The following DCLK1 variants were observed in gnomAD, a reference collection of about 807,000 sequenced individuals.
The protein encoded by DCLK1 is doublecortin like kinase 1.
In DCLK1, 16 loss-of-function variants were observed where a neutral mutation model predicts 86.2. The ratio of observed to expected loss-of-function variants is 0.19; its 90% CI spans 0.13 to 0.28. DCLK1 has a LOEUF of 0.28. Among genes scored for constraint, DCLK1 ranks in the 10% least tolerant of loss-of-function variants. The pLI is 1.00. For missense variants in DCLK1, 590 were observed against 940.2 expected (o/e 0.63, Z 4.87); for synonymous variants, 369 against 370.5 (o/e 1.00, Z 0.05).
intron 3 of DCLK1, among the ~76,000 whole-genome samples, chr13:36,083,722 A>T (rs548406111): frequency 6.6e-6 from 1 of 152,324 alleles, no homozygotes; most frequent in African/African-American, 2.4e-5. Context: ...AAAAATTTCA[A>T]CAAATATTTA....
intron 3 of DCLK1, among the ~76,000 whole-genome samples, chr13:35,952,167 T>A (rs1877728344): frequency 6.6e-6 from 1 of 152,178 alleles, no homozygotes; most frequent in Admixed American, 6.5e-5. Context: ...ATAAATCGAG[T>A]GCATACGTAA....
intron 3 of DCLK1, among the ~76,000 whole-genome samples, chr13:36,099,347 G>A (rs963480963): frequency 2.0e-5 from 3 of 152,200 alleles, no homozygotes; most frequent in Non-Finnish European, 2.9e-5. Context: ...TTTAAAGTAC[G>A]AAGGCAATGT....
At chr13:36,052,398 A>G (rs555699466) in intron 3 of DCLK1, among the ~76,000 whole-genome samples, 2 of 152,284 alleles carry the variant, frequency 1.3e-5, no homozygotes, top group South Asian at 4.1e-4. Flanking sequence ...CATGTGAGAA[A>G]GAAAGGCAAT....
chr13:36,123,181 T>C (rs558603610), intron 2 of DCLK1, among the ~76,000 whole-genome samples: 11 of 152,332 alleles, frequency 7.2e-5, no homozygotes, highest in Admixed American at 1.3e-4. Flanking sequence ...AAAATTAGTA[T>C]GTAAAGTCAG....
intron 3 of DCLK1, among the ~76,000 whole-genome samples, chr13:36,051,964 T>A (rs527920431): frequency 6.6e-6 from 1 of 152,284 alleles, no homozygotes; most frequent in South Asian, 2.1e-4. Context: ...AGATCTTTAA[T>A]GAAAGTTAAA....
chr13:36,026,558 A>G (rs1355073396), intron 3 of DCLK1, among the ~76,000 whole-genome samples: 1 of 152,232 alleles, frequency 6.6e-6, no homozygotes, highest in Admixed American at 6.5e-5. Flanking sequence ...TACCACTTAA[A>G]TGATTATTTG....
At chr13:36,077,280 T>C (rs533869177) in intron 3 of DCLK1, among the ~76,000 whole-genome samples, 35 of 152,322 alleles carry the variant, frequency 2.3e-4, no homozygotes, top group Admixed American at 7.2e-4. Flanking sequence ...TTTGCAAACA[T>C]AATTATTTTC....
At chr13:35,819,246 T>C (rs2153104423) in intron 11 of DCLK1, among the ~76,000 whole-genome samples, 1 of 152,258 alleles carries the variant, frequency 6.6e-6, no homozygotes, top group Admixed American at 6.5e-5. Flanking sequence ...CAATGCCCAG[T>C]TTTCACCTAA....
At chr13:35,958,099 C>T (rs1020997356) in intron 3 of DCLK1, among the ~76,000 whole-genome samples, 18 of 143,736 alleles carry the variant, frequency 1.3e-4, no homozygotes, top group Non-Finnish European at 2.1e-4. Flanking sequence ...ATCACCACCG[C>T]TATAACCACC....
chr13:36,046,629 A>G (rs1882924361), intron 3 of DCLK1, among the ~76,000 whole-genome samples: 1 of 152,208 alleles, frequency 6.6e-6, no homozygotes, highest in South Asian at 2.1e-4. Flanking sequence ...TCACAGATAA[A>G]TCCAAGACTC....
At chr13:36,066,711 G>A (rs1212834787) in intron 3 of DCLK1, among the ~76,000 whole-genome samples, 1 of 151,316 alleles carries the variant, frequency 6.6e-6, no homozygotes, top group Non-Finnish European at 1.5e-5. Context: ...AAATTTACAA[G>A]AAAAAAACAA....
chr13:36,128,706 C>T lies in DCLK1; in HGVS notation c.-20+2408G>A, dbSNP rs534808898. ...CTCCAAATATGAAAACTATTTCTTGCCTCTTAATAACTCATAGTAGTCAGA... is the reference window on the plus strand; with the variant it reads ...CTCCAAATATGAAAACTATTTCTTGTCTCTTAATAACTCATAGTAGTCAGA... On this transcript the variant is annotated intron_variant, in intron 1 of 16. Transcript: ENST00000360631. Among the ~76,000 whole-genome samples the T allele has an allele frequency of 7.2e-5, 11 of 152,244 alleles. No individual in the cohort carries two copies. In the South Asian group the frequency reaches 2.1e-3, roughly 29 times the overall value.
chr13:35,986,491 G>C (rs974258055), intron 3 of DCLK1, among the ~76,000 whole-genome samples: 4 of 151,898 alleles, frequency 2.6e-5, no homozygotes, highest in Non-Finnish European at 5.9e-5. Flanking sequence ...GCTATACCTT[G>C]GCTCGTACAC....
intron 3 of DCLK1, among the ~76,000 whole-genome samples, chr13:36,085,047 T>A (rs978193186): frequency 2.6e-5 from 4 of 152,148 alleles, no homozygotes; most frequent in African/African-American, 9.7e-5. Flanking sequence ...AGTATCCACT[T>A]TAGAAAATTT....
chr13:35,992,120 A>G (rs1880259353), intron 3 of DCLK1, among the ~76,000 whole-genome samples: 1 of 152,216 alleles, frequency 6.6e-6, no homozygotes, highest in Admixed American at 6.5e-5. Context: ...ATGAAATCAT[A>G]GATTATAGGG....
chr13:35,930,625 C>T (rs74046159), intron 4 of DCLK1, among the ~76,000 whole-genome samples: 5 of 150,816 alleles, frequency 3.3e-5, no homozygotes, highest in Admixed American at 3.3e-4. Flanking sequence ...CAAAAACAAA[C>T]AAAAACAAAA....
intron 3 of DCLK1, among the ~76,000 whole-genome samples, chr13:36,031,339 A>AAG: frequency 7.1e-6 from 1 of 140,558 alleles, no homozygotes; most frequent in Non-Finnish European, 1.6e-5. Flanking sequence ...ACACAAAAAA[A>AAG]GACGAGCTTC....
chr13:35,814,698 T>TC (rs1287866042), intron 11 of DCLK1, among the ~76,000 whole-genome samples: 1 of 152,174 alleles, frequency 6.6e-6, no homozygotes, highest in Non-Finnish European at 1.5e-5. Context: ...CTATAGATGT[T>TC]CCCCCACATT....
At chr13:36,015,010 C>G (rs1593819382) in intron 3 of DCLK1, among the ~76,000 whole-genome samples, 1 of 148,166 alleles carries the variant, frequency 6.7e-6, no homozygotes, top group Non-Finnish European at 1.5e-5. Flanking sequence ...CTCTTTCTCT[C>G]TCTCTCTCTC....
Sources: allele counts gnomAD v4.1 joint callset (sites outside exome capture counted in the v4.1 genomes callset), GRCh38; gene constraint gnomAD v4.1.1; transcripts MANE v1.5; gene names NCBI Gene and HGNC (gene_info 2026-07-23, HGNC 2026-07-21).